The following PLCG2 variants were observed in gnomAD, a reference collection of about 807,000 sequenced individuals.
The protein encoded by PLCG2 is 1-phosphatidylinositol 4,5-bisphosphate phosphodiesterase gamma-2.
In PLCG2, 69 loss-of-function variants were observed where a neutral mutation model predicts 175.6. That is an observed-to-expected ratio of 0.39 (90% CI 0.32 to 0.48). The LOEUF (loss-of-function observed/expected upper bound fraction) is 0.48, where lower values mean the gene tolerates loss of function less well. Ranked by LOEUF, PLCG2 falls within the 20% of genes least tolerant of loss-of-function variation. PLCG2 has a pLI of 0.91. For missense variants in PLCG2, 1,798 were observed against 1,650.9 expected, an observed-to-expected ratio of 1.09 and a Z score of -1.54; for synonymous variants, 827 against 624.0, an observed-to-expected ratio of 1.33 and a Z score of -4.85.
chr16:81,849,127 G>A (rs2143454928), intron 2 of PLCG2, among the ~76,000 whole-genome samples: 1 of 152,284 alleles, frequency 6.6e-6, no homozygotes, highest in South Asian at 2.1e-4. Context: ...CAGGGCTGTG[G>A]TTCTTAGTCC....
At chr16:81,890,931 G>A (rs998904986) in intron 10 of PLCG2, among the ~76,000 whole-genome samples, 1 of 152,228 alleles carries the variant, frequency 6.6e-6, no homozygotes, top group Non-Finnish European at 1.5e-5. Context: ...GGGAGGCTGA[G>A]GCGGGTGGAT....
chr16:81,748,956 C>A (rs1909755023), intron 1 of PLCG2, among the ~76,000 whole-genome samples: 1 of 152,198 alleles, frequency 6.6e-6, no homozygotes, highest in Non-Finnish European at 1.5e-5. Flanking sequence ...CTGCAGGGGA[C>A]CTCTCCAGGC....
At chr16:81,780,031 C>T (rs1409102517) in intron 1 of PLCG2, among the ~76,000 whole-genome samples, 2 of 152,160 alleles carry the variant, frequency 1.3e-5, no homozygotes, top group African/African-American at 4.8e-5. Flanking sequence ...ACCCGCACAG[C>T]GCAAGAGTTC....
At chr16:81,823,229 C>A (rs992694909) in intron 2 of PLCG2, among the ~76,000 whole-genome samples, 2 of 152,318 alleles carry the variant, frequency 1.3e-5, no homozygotes, top group East Asian at 3.9e-4. Context: ...TCTGGCTTCC[C>A]CGGGGCTTTA....
intron 12 of PLCG2, among the ~76,000 whole-genome samples, chr16:81,894,745 C>T (rs1218411665): frequency 6.6e-6 from 1 of 152,024 alleles, no homozygotes; most frequent in African/African-American, 2.4e-5. Context: ...TGGTGGTGCA[C>T]ATCTGTAATC....
intron 7 of PLCG2, among the ~76,000 whole-genome samples, chr16:81,873,612 G>A (rs1002877049): frequency 1.3e-5 from 2 of 151,838 alleles, no homozygotes; most frequent in Non-Finnish European, 2.9e-5. Flanking sequence ...TTGTCAGACA[G>A]ATGTCAGGCA....
In PLCG2 at chr16:81,883,254, T is replaced by C; in HGVS notation, c.693-15T>C. 6.2e-7 allele frequency: 1 copy of C among 1,613,300 alleles called. No individual in the cohort carries two copies. Among genetic ancestry groups the C allele is most frequent in the Non-Finnish European group, 8.5e-7 (1 of 1,179,220 alleles). On this transcript the variant is annotated splice_polypyrimidine_tract_variant and intron_variant, in intron 8 of 32. Coordinates refer to ENST00000564138, the MANE Select transcript of PLCG2 (RefSeq NM_002661.5). ...TGTGTCTGTCTCTAACTGCACCCCCTTTCCCCGAGGATAGGAACACTGACA... is the reference window on the plus strand; with the variant it reads ...TGTGTCTGTCTCTAACTGCACCCCCCTTCCCCGAGGATAGGAACACTGACA...
intron 2 of PLCG2, among the ~76,000 whole-genome samples, chr16:81,797,813 A>C (rs1203328703): frequency 6.7e-6 from 1 of 149,946 alleles, no homozygotes; most frequent in African/African-American, 2.5e-5. Context: ...GGCCTCTTTG[A>C]GTCTCAGTTT....
At chr16:81,911,502 A>G (rs564925783) in intron 18 of PLCG2, among the ~76,000 whole-genome samples, 65 of 152,266 alleles carry the variant, frequency 4.3e-4, no homozygotes, top group African/African-American at 1.4e-3. Context: ...CAGTGGAACA[A>G]TCACGTCTCG....
chr16:81,794,255 C>A (rs1911365795), intron 2 of PLCG2, among the ~76,000 whole-genome samples: 1 of 152,144 alleles, frequency 6.6e-6, no homozygotes. Context: ...CTGAAATCCA[C>A]TCTTGGACTT....
chr16:81,901,331 G>A (rs1316042172), intron 14 of PLCG2, among the ~76,000 whole-genome samples: 1 of 152,220 alleles, frequency 6.6e-6, no homozygotes, highest in Non-Finnish European at 1.5e-5. Context: ...GGATGCCATG[G>A]TAACATTTGG....
intron 30 of PLCG2, among the ~76,000 whole-genome samples, chr16:81,943,927 G>A (rs1911052997): frequency 6.6e-6 from 1 of 152,124 alleles, no homozygotes; most frequent in East Asian, 1.9e-4. Context: ...ATCAAAGGAT[G>A]GATGCTCTCA....
At chr16:81,821,871 G>T (rs1010523635) in intron 2 of PLCG2, among the ~76,000 whole-genome samples, 1 of 146,268 alleles carries the variant, frequency 6.8e-6, no homozygotes, top group Non-Finnish European at 1.5e-5. Context: ...GATCCAAGAT[G>T]TTTTTTTTTT....
intron 2 of PLCG2, among the ~76,000 whole-genome samples, chr16:81,771,782 G>T (rs1377481214): frequency 1.4e-5 from 2 of 145,052 alleles, no homozygotes; most frequent in Non-Finnish European, 3.0e-5. Context: ...GTTTTTGTTT[G>T]CTTGTTTGTT....
intron 9 of PLCG2, among the ~76,000 whole-genome samples, chr16:81,884,419 A>G (rs13337013): frequency 0.04 from 6,085 of 152,222 alleles, 396 homozygotes; most frequent in African/African-American, 0.14. Flanking sequence ...TTCAGCACCA[A>G]GTACCTACAG....
intron 1 of PLCG2, among the ~76,000 whole-genome samples, chr16:81,785,143 G>A (rs1266533472): frequency 6.6e-6 from 1 of 152,146 alleles, no homozygotes; most frequent in Non-Finnish European, 1.5e-5. Flanking sequence ...GGTCGTGAGA[G>A]AGTCCACGCA....
rs144485784 is a variant in PLCG2, at chr16:81,850,160, T to A, written c.194-4284T>A. On this transcript the variant is annotated intron_variant, in intron 2 of 32. Coordinates refer to ENST00000564138, the MANE Select transcript of PLCG2 (RefSeq NM_002661.5). ...TGTCTTCAAGTCTACTGTAAAAAGA[T>A]TTGGAGAAAACTGGGGAAATTTAAA... 8.9e-3 allele frequency among the ~76,000 whole-genome samples: 1,359 copies of A among 152,334 alleles called. 19 individuals are homozygous for A. The highest frequency in any genetic ancestry group is 0.031 in the African/African-American group (1,273 of 41,570).
chr16:81,913,987 G>A (rs1027746905), intron 19 of PLCG2, among the ~76,000 whole-genome samples: 19 of 152,248 alleles, frequency 1.2e-4, no homozygotes, highest in African/African-American at 4.6e-4. Context: ...TGTACTCTCT[G>A]TTCCCAAGAG....
At chr16:81,859,372 A>G (rs917850845) in intron 5 of PLCG2, 1 of 532,728 alleles carries the variant, frequency 1.9e-6, no homozygotes, top group Non-Finnish European at 3.4e-6. Context: ...AAATTCAAGT[A>G]CAGCCTCAGA....
Sources: gnomAD v4.1 joint callset for allele counts (sites outside exome capture counted in the v4.1 genomes callset) on GRCh38, gnomAD v4.1.1 for gene constraint, MANE v1.5 for transcripts, NCBI Gene and HGNC (gene_info 2026-07-23, HGNC 2026-07-21) for gene names.